Variants in STPG2 observed in about 807,000 individuals in gnomAD.
STPG2 encodes sperm tail PG-rich repeat containing 2.
In STPG2, 56 loss-of-function variants were observed where a neutral mutation model predicts 54.2. That is an observed-to-expected ratio of 1.03 (90% CI 0.83 to 1.29). The LOEUF (loss-of-function observed/expected upper bound fraction) is 1.29. STPG2 is among the 50% of genes most tolerant of loss of function. The pLI is 0.00. For missense variants in STPG2, 596 were observed against 544.9 expected (o/e 1.09, Z -0.93); for synonymous variants, 200 against 181.8 (o/e 1.10, Z -0.81).
At chr4:97,460,272 T>C (rs1186413070) in intron 4 of STPG2, among the ~76,000 whole-genome samples, 1 of 152,184 alleles carries the variant, frequency 6.6e-6, no homozygotes, top group Non-Finnish European at 1.5e-5. Flanking sequence ...CTTCCTTCTC[T>C]GCTTTATTTT....
At chr4:97,458,071 G>A (rs1006934633) in intron 4 of STPG2, among the ~76,000 whole-genome samples, 8 of 152,234 alleles carry the variant, frequency 5.3e-5, no homozygotes, top group Admixed American at 3.9e-4. Flanking sequence ...AAAGACTAGC[G>A]TTCTTACTAG....
intron 7 of STPG2, among the ~76,000 whole-genome samples, chr4:97,960,545 T>C (rs1172852098): frequency 6.6e-6 from 1 of 152,110 alleles, no homozygotes; most frequent in African/African-American, 2.4e-5. Context: ...AGCTCTTCTA[T>C]ATACCAACAG....
intron 8 of STPG2, among the ~76,000 whole-genome samples, chr4:97,871,293 C>T (rs1056815447): frequency 6.6e-6 from 1 of 150,696 alleles, no homozygotes; most frequent in African/African-American, 2.4e-5. Flanking sequence ...AGAAAAAGGG[C>T]AGGAATTTTG....
chr4:97,441,486 G>A (rs562792564), intron 4 of STPG2: 5 of 152,078 alleles, frequency 3.3e-5, no homozygotes, highest in South Asian at 2.1e-4. Flanking sequence ...CTTTGTGAGA[G>A]AACTGTCAGC....
chr4:97,784,364 G>C (rs920908281), intron 9 of STPG2, among the ~76,000 whole-genome samples: 4 of 151,906 alleles, frequency 2.6e-5, no homozygotes, highest in African/African-American at 9.7e-5. Context: ...AAAGTTTCTT[G>C]ATTCACTTTC....
chr4:97,914,961 G>T (rs576744292), intron 8 of STPG2, among the ~76,000 whole-genome samples: 3 of 152,176 alleles, frequency 2.0e-5, no homozygotes, highest in South Asian at 4.1e-4. Flanking sequence ...TGTCCTCAAG[G>T]TTCATCATAT....
At chr4:97,638,075 A>G (rs1721620963) in intron 10 of STPG2, among the ~76,000 whole-genome samples, 1 of 152,164 alleles carries the variant, frequency 6.6e-6, no homozygotes, top group Non-Finnish European at 1.5e-5. Context: ...AAGCCATCAC[A>G]CTACCTGACT....
intron 1 of STPG2, among the ~76,000 whole-genome samples, chr4:98,142,563 T>C (rs1399360566): frequency 4.0e-5 from 6 of 151,848 alleles, no homozygotes; most frequent in Non-Finnish European, 1.5e-5. Flanking sequence ...CAGAAAAATC[T>C]GTCTGAAAAA....
intron 8 of STPG2, among the ~76,000 whole-genome samples, chr4:97,864,700 G>T (rs1180398587): frequency 6.6e-6 from 1 of 152,026 alleles, no homozygotes. Context: ...TATACTACAA[G>T]GCTGCAGTAA....
chr4:98,128,372 C>T, intron 3 of STPG2, 56 bp downstream of exon 3: 2 of 1,418,150 alleles, frequency 1.4e-6, no homozygotes, highest in Non-Finnish European at 1.9e-6. Context: ...AAAAGAAACC[C>T]ATATGTAAAT....
intron 8 of STPG2, among the ~76,000 whole-genome samples, chr4:97,848,521 C>T (rs1326890775): frequency 6.6e-6 from 1 of 152,074 alleles, no homozygotes; most frequent in African/African-American, 2.4e-5. Flanking sequence ...ATTTATAGGT[C>T]CTTTCATGTT....
chr4:97,816,362 G>A lies in STPG2; in HGVS notation c.1204+24411C>T, dbSNP rs556499862. Among the ~76,000 whole-genome samples the A allele has an allele frequency of 4.9e-4, 75 of 152,256 alleles. No individual in the cohort carries two copies. In the Middle Eastern group the frequency reaches 0.024, roughly 48 times the overall value. On this transcript the variant is annotated intron_variant, in intron 9 of 10. Coordinates refer to ENST00000295268, the MANE Select transcript of STPG2 (RefSeq NM_174952.3). ...ACATACATGTGCATGTGTCTTTATA[G>A]TAGAATGATTTATAATCCTTTGGGT...
intron 10 of STPG2, among the ~76,000 whole-genome samples, chr4:97,588,736 C>T (rs1261127115): frequency 1.3e-5 from 2 of 151,810 alleles, no homozygotes; most frequent in African/African-American, 4.8e-5. Flanking sequence ...TTTGTTTTAC[C>T]GATATGATTA....
chr4:97,972,264 T>G lies in STPG2; in HGVS notation c.933+16A>C, dbSNP rs2149257240. On this transcript the variant is annotated intron_variant, in intron 7 of 10. Transcript: ENST00000295268. ...TATTCAACATAAAGAATATTATTTT[T>G]GTATGAATGTATTACCTGATAATCA... The G allele has an allele frequency of 6.7e-7, 1 of 1,497,304 alleles. No homozygotes were observed. The highest frequency in any genetic ancestry group is 9.0e-7 in the Non-Finnish European group (1 of 1,111,646). 92.8% of individuals were successfully genotyped at this position (1,497,304 alleles called of 1,614,324 possible).
intron 9 of STPG2, among the ~76,000 whole-genome samples, chr4:97,782,508 G>T (rs1398271437): frequency 6.6e-6 from 1 of 151,612 alleles, no homozygotes; most frequent in African/African-American, 2.4e-5. Flanking sequence ...ACTGACCAAG[G>T]TAATTTACAC....
intron 10 of STPG2, among the ~76,000 whole-genome samples, chr4:97,570,474 T>TA (rs748862803): frequency 5.4e-4 from 82 of 151,950 alleles, no homozygotes; most frequent in East Asian, 3.9e-4. Context: ...TCAATTTGCC[T>TA]AAAAGCAGGC....
chr4:97,828,622 C>T (rs1728341704), intron 9 of STPG2, among the ~76,000 whole-genome samples: 1 of 152,102 alleles, frequency 6.6e-6, no homozygotes, highest in Non-Finnish European at 1.5e-5. Context: ...TCCACAGAGC[C>T]CAGCAAGCCA....
chr4:97,802,436 GT>G, intron 9 of STPG2, among the ~76,000 whole-genome samples: 1 of 151,968 alleles, frequency 6.6e-6, no homozygotes, highest in Admixed American at 6.6e-5. Context: ...TTTCCTTCTA[GT>G]TTTCTATCAA....
intron 10 of STPG2, among the ~76,000 whole-genome samples, chr4:97,621,828 C>T (rs36091527): frequency 0.033 from 5,025 of 152,156 alleles, 166 homozygotes; most frequent in Middle Eastern, 0.099. Flanking sequence ...CAACAAAAAA[C>T]GAAAGCTTCA....
Sources: gnomAD v4.1 joint callset for allele counts (sites outside exome capture counted in the v4.1 genomes callset) on GRCh38, gnomAD v4.1.1 for gene constraint, MANE v1.5 for transcripts, NCBI Gene and HGNC (gene_info 2026-07-23, HGNC 2026-07-21) for gene names.